The following SGCZ variants were observed in gnomAD, a reference collection of about 807,000 sequenced individuals.
The protein encoded by SGCZ is sarcoglycan zeta.
SGCZ carries 40 observed loss-of-function variants against 41.3 expected under a neutral mutation model. The observed-to-expected ratio is 0.97, with a 90% CI of 0.75 to 1.26. SGCZ has a LOEUF of 1.26. Among genes scored for constraint, SGCZ ranks in the 50% most tolerant of loss-of-function variants. The probability of loss-of-function intolerance (pLI) is 0.00; values close to 1 mark genes in which losing one functional copy is unlikely to be tolerated. For missense variants in SGCZ, 552 were observed against 369.8 expected, an observed-to-expected ratio of 1.49 and a Z score of -4.04; for synonymous variants, 206 against 137.5, an observed-to-expected ratio of 1.50 and a Z score of -3.49.
chr8:14,411,981 T>C (rs555199111), intron 2 of SGCZ, among the ~76,000 whole-genome samples: 1 of 152,188 alleles, frequency 6.6e-6, no homozygotes, highest in South Asian at 2.1e-4. Flanking sequence ...TGAGTAAAAA[T>C]ACACTGCTCT....
At chr8:15,140,527 G>A (rs149382501) in intron 1 of SGCZ, among the ~76,000 whole-genome samples, 86 of 151,930 alleles carry the variant, frequency 5.7e-4, no homozygotes, top group African/African-American at 1.9e-3. Context: ...GGCCCATATT[G>A]GTAATTCAAC....
At chr8:14,116,939 G>C (rs1282702308) in intron 5 of SGCZ, among the ~76,000 whole-genome samples, 2 of 152,052 alleles carry the variant, frequency 1.3e-5, no homozygotes, top group African/African-American at 2.4e-5. Context: ...ATTTCAAGCA[G>C]AGTAAGCCAT....
chr8:14,766,970 GA>G (rs1800056402), intron 1 of SGCZ, among the ~76,000 whole-genome samples: 1 of 152,000 alleles, frequency 6.6e-6, no homozygotes, highest in South Asian at 2.1e-4. Flanking sequence ...TAAATGTTTT[GA>G]AAAACATATA....
intron 1 of SGCZ, among the ~76,000 whole-genome samples, chr8:15,089,900 G>A (rs1444205072): frequency 1.3e-5 from 2 of 152,172 alleles, no homozygotes; most frequent in Non-Finnish European, 2.9e-5. Context: ...AGACTAATGA[G>A]AAAGAACAAT....
chr8:14,602,067 C>T (rs1805610339), intron 1 of SGCZ, among the ~76,000 whole-genome samples: 1 of 152,008 alleles, frequency 6.6e-6, no homozygotes, highest in Non-Finnish European at 1.5e-5. Flanking sequence ...TTGCAGTGAG[C>T]CGAGATTGCG....
intron 1 of SGCZ, among the ~76,000 whole-genome samples, chr8:14,917,147 C>T (rs1799460957): frequency 6.6e-6 from 1 of 152,018 alleles, no homozygotes; most frequent in Non-Finnish European, 1.5e-5. Context: ...CAGGTAAATT[C>T]CCCAGGGCCT....
intron 1 of SGCZ, among the ~76,000 whole-genome samples, chr8:14,758,234 T>C (rs1412879709): frequency 6.6e-6 from 1 of 152,194 alleles, no homozygotes; most frequent in African/African-American, 2.4e-5. Flanking sequence ...CGAATTCACA[T>C]CAAGATCTTC....
intron 1 of SGCZ, among the ~76,000 whole-genome samples, chr8:15,018,044 T>C (rs888516722): frequency 1.3e-5 from 2 of 152,190 alleles, no homozygotes; most frequent in African/African-American, 4.8e-5. Flanking sequence ...GTCAAAGCTG[T>C]ATGCAAAAGA....
chr8:14,356,287 G>A (rs1002388349), intron 2 of SGCZ, among the ~76,000 whole-genome samples: 9 of 152,132 alleles, frequency 5.9e-5, no homozygotes, highest in African/African-American at 1.2e-4. Flanking sequence ...ACAAAACCCC[G>A]TCGTAAGTTA....
At chr8:14,471,882 G>T (rs1039638678) in intron 2 of SGCZ, among the ~76,000 whole-genome samples, 1 of 151,770 alleles carries the variant, frequency 6.6e-6, no homozygotes, top group Non-Finnish European at 1.5e-5. Context: ...AATGAATATC[G>T]TATCTATGTC....
At position 14,745,693 on chromosome 8, in the gene SGCZ, C is replaced by CAT. The variant is rs200418646; in HGVS notation, c.40-190769_40-190768dup. On this transcript the variant is annotated intron_variant, in intron 1 of 7. Transcript: ENST00000382080. Reference sequence around the variant, plus strand: ...TATACGTATCTATATACATACATGCCATATATATATATGGTATGAAATTTA... The same window carrying CAT: ...TATACGTATCTATATACATACATGCCATATATATATATATGGTATGAAATTTA... Among the ~76,000 whole-genome samples the CAT allele has an allele frequency of 3.7e-3, 565 of 151,260 alleles. 3 individuals carry two copies. Among genetic ancestry groups the CAT allele is most frequent in the African/African-American group, 0.013 (518 of 41,190 alleles).
intron 1 of SGCZ, among the ~76,000 whole-genome samples, chr8:14,766,346 C>G (rs900157736): frequency 2.0e-5 from 3 of 151,826 alleles, no homozygotes; most frequent in Non-Finnish European, 4.4e-5. Context: ...TATAGTTTAG[C>G]CAGATTGTAT....
chr8:14,646,149 C>T (rs1445194862), intron 1 of SGCZ, among the ~76,000 whole-genome samples: 1 of 151,876 alleles, frequency 6.6e-6, no homozygotes, highest in Non-Finnish European at 1.5e-5. Flanking sequence ...GGTACAACTG[C>T]ACCCAGATAC....
At chr8:14,832,327 T>A (rs556499335) in intron 1 of SGCZ, among the ~76,000 whole-genome samples, 25 of 152,290 alleles carry the variant, frequency 1.6e-4, no homozygotes, top group Admixed American at 1.5e-3. Flanking sequence ...CAGCTTAATA[T>A]TCTATGCTAA....
chr8:14,963,679 T>C (rs1445388788), intron 1 of SGCZ, among the ~76,000 whole-genome samples: 2 of 152,174 alleles, frequency 1.3e-5, no homozygotes, highest in African/African-American at 2.4e-5. Context: ...CAAATAGTAT[T>C]GTTTTGGAAT....
intron 5 of SGCZ, among the ~76,000 whole-genome samples, chr8:14,137,524 T>G (rs1467502803): frequency 6.6e-6 from 1 of 152,130 alleles, no homozygotes; most frequent in Non-Finnish European, 1.5e-5. Flanking sequence ...GAGAACTATG[T>G]GATGCATGCA....
chr8:15,121,917 A>AG (rs2116952490), intron 1 of SGCZ, among the ~76,000 whole-genome samples: 1 of 151,578 alleles, frequency 6.6e-6, no homozygotes, highest in Non-Finnish European at 1.5e-5. Context: ...AAAAAAAAAA[A>AG]TAGATATGCA....
intron 2 of SGCZ, among the ~76,000 whole-genome samples, chr8:14,392,737 T>C (rs1288154036): frequency 6.6e-6 from 1 of 152,204 alleles, no homozygotes; most frequent in Non-Finnish European, 1.5e-5. Flanking sequence ...TAAAACTATA[T>C]GTGATTTAAT....
chr8:15,171,552 G>T (rs529238929), intron 1 of SGCZ, among the ~76,000 whole-genome samples: 1 of 152,190 alleles, frequency 6.6e-6, no homozygotes, highest in Non-Finnish European at 1.5e-5. Context: ...TTTAGCTGGA[G>T]ATCCAACTGG....
Sources: gnomAD v4.1 joint callset for allele counts (sites outside exome capture counted in the v4.1 genomes callset) on GRCh38, gnomAD v4.1.1 for gene constraint, MANE v1.5 for transcripts, NCBI Gene and HGNC (gene_info 2026-07-23, HGNC 2026-07-21) for gene names.